EIF4G3: variants seen among roughly 807,000 people sequenced by gnomAD.
The protein encoded by EIF4G3 is eukaryotic translation initiation factor 4 gamma 3.
A neutral mutation model predicts 186.4 loss-of-function variants in EIF4G3; 34 were observed. The observed-to-expected ratio is 0.18, with a 90% CI of 0.14 to 0.24. EIF4G3 has a LOEUF of 0.24. Ranked by LOEUF, EIF4G3 falls within the 10% of genes least tolerant of loss-of-function variation. EIF4G3 has a pLI of 1.00. For synonymous variants in EIF4G3, 673 were observed against 679.5 expected (o/e 0.99, Z 0.15); for missense variants, 1,536 against 1,948.5 (o/e 0.79, Z 3.99).
intron 2 of EIF4G3, among the ~76,000 whole-genome samples, chr1:21,156,682 C>G (rs2097666787): frequency 6.6e-6 from 1 of 152,138 alleles, no homozygotes; most frequent in Non-Finnish European, 1.5e-5. Flanking sequence ...TAGTCAAATC[C>G]CTATTTTTCT....
At chr1:20,943,967 ATTTTTTTT>A (rs1468581741) in intron 13 of EIF4G3, among the ~76,000 whole-genome samples, 1,838 of 65,090 alleles carry the variant, frequency 0.028, 19 homozygotes, top group East Asian at 0.1. Flanking sequence ...ACTTGTCTTT[ATTTTTTTT>A]GTGTGTGTGT....
chr1:20,846,033 G>A (rs535781408), intron 29 of EIF4G3, among the ~76,000 whole-genome samples: 132 of 152,284 alleles, frequency 8.7e-4, no homozygotes, highest in African/African-American at 3.1e-3. Context: ...CTTGTTAGCT[G>A]TATTCCTAGG....
At chr1:21,080,272 T>G (rs1177600768) in intron 3 of EIF4G3, among the ~76,000 whole-genome samples, 12 of 150,814 alleles carry the variant, frequency 8.0e-5, no homozygotes, top group Admixed American at 7.9e-4. Flanking sequence ...GACATGATCG[T>G]GCGACTGCAC....
intron 2 of EIF4G3, among the ~76,000 whole-genome samples, chr1:21,112,694 T>C (rs2096746531): frequency 6.6e-6 from 1 of 152,196 alleles, no homozygotes; most frequent in Non-Finnish European, 1.5e-5. Flanking sequence ...GTTTTCTTTC[T>C]TATAGCATTC....
At position 21,109,977 on chromosome 1, in the gene EIF4G3, A is replaced by G. The variant is rs1289031002; in HGVS notation, c.-271-20764T>C. ...TTTTTGTATTTTGGGTAGAGATGGA[A>G]ACGTTTCGCTATGTTGACCAGGCTG... On this transcript the variant is annotated intron_variant, in intron 2 of 36. Transcript: ENST00000602326. Among the ~76,000 whole-genome samples, 3 of 151,980 alleles carry G rather than the reference A, an allele frequency of 2.0e-5. No homozygotes were observed. In the East Asian group the frequency reaches 5.8e-4, roughly 29 times the overall value.
rs61781102 is a variant in EIF4G3, at chr1:20,908,079, C to T, written c.1664-3108G>A. On this transcript the variant is annotated intron_variant, in intron 14 of 36. Coordinates refer to ENST00000602326, the MANE Select transcript of EIF4G3 (RefSeq NM_001391906.1). ...TGTTGTTTCCTGACTTTTTAATGAT[C>T]GCCATTCTAACTGGTGTGAGATAGT... is the stretch of plus-strand genomic sequence containing the variant. Among the ~76,000 whole-genome samples, 14 of 152,204 alleles carry T rather than the reference C, an allele frequency of 9.2e-5. No individual in the cohort carries two copies. The South Asian group carries it at 1.2e-3, about 14-fold the overall frequency.
intron 12 of EIF4G3, among the ~76,000 whole-genome samples, chr1:20,967,194 C>T (rs2074887304): frequency 1.3e-5 from 2 of 152,204 alleles, no homozygotes; most frequent in African/African-American, 4.8e-5. Context: ...AAACCAATCA[C>T]ACCCCACAGG....
chr1:20,970,952 G>C (rs112684579), intron 11 of EIF4G3, among the ~76,000 whole-genome samples: 5,009 of 152,250 alleles, frequency 0.033, 274 homozygotes, highest in African/African-American at 0.11. Context: ...GGAAAAGAGC[G>C]AGACTTTGTC....
intron 3 of EIF4G3, among the ~76,000 whole-genome samples, chr1:21,065,580 G>A (rs1276023099): frequency 6.6e-6 from 1 of 151,382 alleles, no homozygotes; most frequent in African/African-American, 2.4e-5. Context: ...GCGGCGGGGG[G>A]AAGAAAAAAA....
intron 14 of EIF4G3, among the ~76,000 whole-genome samples, chr1:20,935,045 CA>C (rs2095474484): frequency 6.6e-6 from 1 of 152,174 alleles, no homozygotes; most frequent in Admixed American, 6.5e-5. Flanking sequence ...AGTAGGCCTT[CA>C]GTAACTACTG....
At chr1:20,972,268 T>G (rs1260904803) in intron 11 of EIF4G3, among the ~76,000 whole-genome samples, 2 of 152,234 alleles carry the variant, frequency 1.3e-5, no homozygotes, top group Non-Finnish European at 2.9e-5. Context: ...CTTGCTATCC[T>G]TAATATCTCA....
At chr1:20,994,495 C>G (rs2081852154) in intron 7 of EIF4G3, among the ~76,000 whole-genome samples, 1 of 152,070 alleles carries the variant, frequency 6.6e-6, no homozygotes, top group African/African-American at 2.4e-5. Flanking sequence ...TGCCAGCTAC[C>G]TGAATTTTCT....
intron 2 of EIF4G3, among the ~76,000 whole-genome samples, chr1:21,173,596 G>T (rs1277038054): frequency 6.6e-6 from 1 of 152,126 alleles, no homozygotes; most frequent in African/African-American, 2.4e-5. Context: ...GCTGAGGCAT[G>T]AGAATGGCTG....
At chr1:20,884,027 A>C (rs1005932882) in intron 19 of EIF4G3, among the ~76,000 whole-genome samples, 3 of 152,224 alleles carry the variant, frequency 2.0e-5, no homozygotes, top group African/African-American at 7.2e-5. Context: ...CAAGAAGATG[A>C]GAATAAGGTC....
chr1:20,939,894 G>A (rs1456806611), intron 14 of EIF4G3, among the ~76,000 whole-genome samples: 2 of 110,224 alleles, frequency 1.8e-5, no homozygotes, highest in Non-Finnish European at 3.4e-5. Flanking sequence ...TCGATCTGTT[G>A]CCCAGGCTGG....
chr1:21,129,527 G>A (rs2097113716), intron 2 of EIF4G3, among the ~76,000 whole-genome samples: 1 of 152,010 alleles, frequency 6.6e-6, no homozygotes, highest in South Asian at 2.1e-4. Context: ...ACAGAAACTG[G>A]AGAGAGTCCC....
rs746806322 is a variant in EIF4G3, at chr1:20,865,145, T to G, written c.2740A>C (p.Lys914Gln). The change falls in exon 21 of 37, where the codon AAG (lysine) becomes CAG (glutamine). Residue 914 changes from lysine to glutamine, a missense_variant. By Grantham distance (53) the Lys-to-Gln change is moderately conservative. Around this residue, in one of 11 missense-constraint regions of EIF4G3, gnomAD observed 77 missense variants for 131.6 expected, o/e 0.59. Coordinates refer to ENST00000602326, the MANE Select transcript of EIF4G3 (RefSeq NM_001391906.1). ...DKADDDVFEKKQKELEAASAP... is the reference protein window; with the variant it reads ...DKADDDVFEKQQKELEAASAP... ...CTGGCAGCCTCAAGTTCTTTCTGCT[T>G]CTTCTCAAAGACATCATCATCTGCT... The G allele has an allele frequency of 1.7e-5, 28 of 1,614,152 alleles. No individual in the cohort carries two copies. Among genetic ancestry groups the G allele is most frequent in the Non-Finnish European group, 2.3e-5 (27 of 1,180,010 alleles).
Position 21,047,581 on chromosome 1 carries a change from C to T in EIF4G3, c.-67+3285G>A, listed in dbSNP as rs565078411. ...TCCCGATAGCCCATTCCCCACCCTG[C>T]TTCCCTCTTCCCTATGAAGAGGGTA... On this transcript the variant is annotated intron_variant, in intron 4 of 36. Coordinates refer to ENST00000602326, the MANE Select transcript of EIF4G3 (RefSeq NM_001391906.1). Among the ~76,000 whole-genome samples, 8 of 152,302 alleles carry T rather than the reference C, an allele frequency of 5.3e-5. No homozygotes were observed. In the South Asian group the frequency reaches 1.2e-3, roughly 24 times the overall value.
intron 4 of EIF4G3, among the ~76,000 whole-genome samples, chr1:21,018,936 T>C (rs537966067): frequency 1.3e-5 from 2 of 150,014 alleles, no homozygotes; most frequent in African/African-American, 4.9e-5. Context: ...TTTTTTTTTT[T>C]ACCCCCAAAT....
Sources: allele counts gnomAD v4.1 joint callset (sites outside exome capture counted in the v4.1 genomes callset), GRCh38; gene constraint gnomAD v4.1.1; regional missense constraint gnomAD v4.1.1; transcripts MANE v1.5; gene names NCBI Gene and HGNC (gene_info 2026-07-23, HGNC 2026-07-21).